Variants in SOX6 observed in about 807,000 individuals in gnomAD.
The protein encoded by SOX6 is transcription factor SOX-6.
SOX6 carries 11 observed loss-of-function variants against 97.8 expected under a neutral mutation model. That is an observed-to-expected ratio of 0.11 (90% CI 0.07 to 0.19). SOX6 has a LOEUF of 0.19. SOX6 is among the 10% of genes least tolerant of loss of function. SOX6 has a pLI of 1.00. For missense variants in SOX6, 810 were observed against 1,039.5 expected (o/e 0.78, Z 3.04); for synonymous variants, 360 against 371.4 (o/e 0.97, Z 0.35).
intron 4 of SOX6, among the ~76,000 whole-genome samples, chr11:16,583,255 C>T (rs536134307): frequency 1.3e-5 from 2 of 151,934 alleles, no homozygotes; most frequent in East Asian, 3.9e-4. Flanking sequence ...AGGGTAATAT[C>T]CATCACCTCA....
At chr11:16,532,553 A>G (rs80096434) in intron 4 of SOX6, among the ~76,000 whole-genome samples, 9 of 152,054 alleles carry the variant, frequency 5.9e-5, no homozygotes, top group African/African-American at 2.2e-4. Context: ...AATCTCAACT[A>G]CTGAATCCTA....
At chr11:16,175,980 C>A (rs943302656) in intron 6 of SOX6, among the ~76,000 whole-genome samples, 8 of 151,532 alleles carry the variant, frequency 5.3e-5, no homozygotes, top group African/African-American at 1.2e-4. Flanking sequence ...CAGCTATGAC[C>A]AAAATGAAAA....
At chr11:16,685,759 C>T (rs918685585) in intron 3 of SOX6, among the ~76,000 whole-genome samples, 2 of 152,262 alleles carry the variant, frequency 1.3e-5, no homozygotes, top group Non-Finnish European at 2.9e-5. Context: ...GGCAATGCCC[C>T]AGTAGGGACT....
At chr11:16,730,585 T>C (rs192882828) in intron 2 of SOX6, among the ~76,000 whole-genome samples, 7 of 152,184 alleles carry the variant, frequency 4.6e-5, no homozygotes, top group Non-Finnish European at 4.4e-5. Context: ...CTCTGGGACA[T>C]AGCTAAAGCA....
chr11:16,224,388 A>G (rs1257923881), intron 4 of SOX6, among the ~76,000 whole-genome samples: 1 of 152,036 alleles, frequency 6.6e-6, no homozygotes, highest in African/African-American at 2.4e-5. Context: ...TTTCCCCAAC[A>G]TATTGATTTC....
intron 3 of SOX6, among the ~76,000 whole-genome samples, chr11:16,301,856 A>G (rs1311875480): frequency 6.6e-6 from 1 of 152,160 alleles, no homozygotes; most frequent in Non-Finnish European, 1.5e-5. Context: ...CAAGTCAGTC[A>G]ATCGTACTTC....
At chr11:16,526,400 G>A (rs1261370852) in intron 4 of SOX6, among the ~76,000 whole-genome samples, 231 of 151,460 alleles carry the variant, frequency 1.5e-3, no homozygotes, top group African/African-American at 5.3e-3. Flanking sequence ...ACCAAACACC[G>A]CATGTTCTCA....
At chr11:16,568,238 G>C (rs1358286078) in intron 4 of SOX6, among the ~76,000 whole-genome samples, 1 of 151,986 alleles carries the variant, frequency 6.6e-6, no homozygotes, top group Non-Finnish European at 1.5e-5. Flanking sequence ...AAACACTTCT[G>C]GTCCTAAGCA....
intron 4 of SOX6, among the ~76,000 whole-genome samples, chr11:16,547,756 T>C (rs1480859846): frequency 6.6e-6 from 1 of 152,080 alleles, no homozygotes; most frequent in Non-Finnish European, 1.5e-5. Context: ...ATGTATTGTT[T>C]ATGTCAAAAT....
intron 4 of SOX6, among the ~76,000 whole-genome samples, chr11:16,598,627 G>C (rs1247982707): frequency 6.6e-6 from 1 of 151,074 alleles, no homozygotes; most frequent in Non-Finnish European, 1.5e-5. Flanking sequence ...TTGCAACCAT[G>C]CCTGGGAATG....
At chr11:16,144,324 C>G (rs1850231115) in intron 6 of SOX6, among the ~76,000 whole-genome samples, 1 of 152,126 alleles carries the variant, frequency 6.6e-6, no homozygotes, top group East Asian at 1.9e-4. Context: ...ACACAACATA[C>G]CAGAATCTCT....
intron 9 of SOX6, among the ~76,000 whole-genome samples, chr11:16,074,694 G>T (rs747931859): frequency 6.6e-6 from 1 of 152,048 alleles, no homozygotes; most frequent in African/African-American, 2.4e-5. Context: ...ATGAAACACT[G>T]CCCAAAGAAA....
chr11:16,410,060 T>G (rs1333091219), intron 1 of SOX6, among the ~76,000 whole-genome samples: 2 of 152,032 alleles, frequency 1.3e-5, no homozygotes, highest in African/African-American at 4.8e-5. Flanking sequence ...AAAGTTGCAA[T>G]TAGGCAGGAG....
intron 1 of SOX6, among the ~76,000 whole-genome samples, chr11:16,429,798 C>T (rs145616078): frequency 9.8e-4 from 149 of 152,150 alleles, no homozygotes; most frequent in Non-Finnish European, 1.8e-3. Context: ...ACGTATGTAA[C>T]AAACATGTAC....
At chr11:16,540,305 T>C (rs1861384632) in intron 4 of SOX6, among the ~76,000 whole-genome samples, 1 of 152,126 alleles carries the variant, frequency 6.6e-6, no homozygotes, top group Admixed American at 6.6e-5. Context: ...AAATTAGGTA[T>C]TGATGGGACA....
intron 2 of SOX6, among the ~76,000 whole-genome samples, chr11:16,332,801 T>C (rs1856346387): frequency 6.6e-6 from 1 of 152,138 alleles, no homozygotes; most frequent in African/African-American, 2.4e-5. Flanking sequence ...AAAATAAATA[T>C]GTCATCACAT....
chr11:16,501,462 G>T (rs539216550), intron 4 of SOX6, among the ~76,000 whole-genome samples: 1 of 152,092 alleles, frequency 6.6e-6, no homozygotes, highest in East Asian at 1.9e-4. Context: ...TGACAAATGG[G>T]ATCTAATTAA....
At chr11:16,150,408 A>G (rs1026346035) in intron 6 of SOX6, among the ~76,000 whole-genome samples, 5 of 152,196 alleles carry the variant, frequency 3.3e-5, no homozygotes, top group African/African-American at 1.2e-4. Context: ...TTGGGATGGG[A>G]CGGTCATGAA....
At chr11:16,105,220 A>G (rs1849049928) in intron 7 of SOX6, among the ~76,000 whole-genome samples, 1 of 152,084 alleles carries the variant, frequency 6.6e-6, no homozygotes, top group Admixed American at 6.6e-5. Flanking sequence ...TTATCCCAAG[A>G]ATGCAAGGGA....
Sources: gnomAD v4.1 joint callset for allele counts (sites outside exome capture counted in the v4.1 genomes callset) on GRCh38, gnomAD v4.1.1 for gene constraint, MANE v1.5 for transcripts, NCBI Gene and HGNC (gene_info 2026-07-23, HGNC 2026-07-21) for gene names.